Variants in FAM178B observed in about 807,000 individuals in gnomAD.
FAM178B encodes family with sequence similarity 178 member B.
Under a neutral mutation model 91.7 loss-of-function variants are expected in FAM178B, and 82 were observed. The observed-to-expected ratio is 0.89, with a 90% CI of 0.75 to 1.07. The LOEUF is 1.07. FAM178B is among the 50% of genes least tolerant of loss of function. The pLI, the probability that FAM178B is intolerant of heterozygous loss-of-function variation, is 0.00. For synonymous variants in FAM178B, 368 were observed against 359.4 expected (o/e 1.02, Z -0.27); for missense variants, 769 against 846.7 (o/e 0.91, Z 1.14).
intron 8 of FAM178B, among the ~76,000 whole-genome samples, chr2:96,945,280 C>A (rs2081804980): frequency 6.6e-6 from 1 of 151,774 alleles, no homozygotes; most frequent in Non-Finnish European, 1.5e-5. Flanking sequence ...CCACCCCCCA[C>A]ACACACACTA....
chr2:96,908,010 G>A (rs369093662), intron 12 of FAM178B, among the ~76,000 whole-genome samples: 47 of 152,352 alleles, frequency 3.1e-4, no homozygotes, highest in African/African-American at 1.1e-3. Context: ...CGCCTGGCTC[G>A]CACCCCGGGC....
At chr2:96,919,086 C>T (rs2081289724) in intron 12 of FAM178B, among the ~76,000 whole-genome samples, 1 of 152,212 alleles carries the variant, frequency 6.6e-6, no homozygotes, top group Non-Finnish European at 1.5e-5. Context: ...GAATAAAGCC[C>T]TTTCCTTCCA....
intron 13 of FAM178B, among the ~76,000 whole-genome samples, chr2:96,902,250 C>G (rs1280621411): frequency 6.6e-6 from 1 of 152,012 alleles, no homozygotes; most frequent in African/African-American, 2.4e-5. Context: ...GGACTACAGG[C>G]ACCCGCCACC....
chr2:96,877,711 T>C, intron 16 of FAM178B, 179 bp downstream of exon 16: 2 of 627,496 alleles, frequency 3.2e-6, no homozygotes, highest in Non-Finnish European at 5.5e-6. Flanking sequence ...ACTGGATTCT[T>C]GATAAGAATG....
At chr2:96,902,588 C>T (rs886449390) in intron 13 of FAM178B, 32 bp downstream of exon 13, 20 of 1,484,272 alleles carry the variant, frequency 1.3e-5, no homozygotes, top group Non-Finnish European at 1.7e-5. Context: ...CAGGCCATGG[C>T]CTTCCTGCCC....
chr2:96,923,332 AAC>A (rs1186657485), intron 10 of FAM178B, among the ~76,000 whole-genome samples, 156 bp downstream of exon 10: 10 of 152,222 alleles, frequency 6.6e-5, no homozygotes, highest in Admixed American at 3.9e-4. Flanking sequence ...CGTGTCCGAT[AAC>A]ACAGTTTCTG....
intron 14 of FAM178B, among the ~76,000 whole-genome samples, chr2:96,889,024 G>A (rs1166482533): frequency 1.3e-5 from 2 of 152,188 alleles, no homozygotes; most frequent in East Asian, 1.9e-4. Flanking sequence ...AGCCACTCGC[G>A]CTCAGTCGGG....
At chr2:96,958,408 C>A (rs1338907289) in intron 6 of FAM178B, among the ~76,000 whole-genome samples, 2 of 151,928 alleles carry the variant, frequency 1.3e-5, no homozygotes, top group African/African-American at 4.8e-5. Flanking sequence ...AAATTGAAGG[C>A]CAGGCGCAGT....
chr2:96,938,160 C>T (rs1382616918), intron 8 of FAM178B, among the ~76,000 whole-genome samples: 1 of 152,164 alleles, frequency 6.6e-6, no homozygotes, highest in Admixed American at 6.5e-5. Flanking sequence ...GCCTGGCCAC[C>T]TCTCCTGCAA....
chr2:96,963,718 G>A (rs1010178075), intron 5 of FAM178B, among the ~76,000 whole-genome samples: 1 of 152,184 alleles, frequency 6.6e-6, no homozygotes, highest in East Asian at 1.9e-4. Flanking sequence ...CTGCAACAAG[G>A]GCTCACTGCA....
chr2:96,978,974 CTTT>C (rs559416706), intron 1 of FAM178B, among the ~76,000 whole-genome samples: 18 of 56,798 alleles, frequency 3.2e-4, no homozygotes, highest in African/African-American at 5.1e-4. Flanking sequence ...GTATGTATCA[CTTT>C]TTTTTTTTTT....
chr2:96,952,497 C>T (rs1398494316), intron 6 of FAM178B, among the ~76,000 whole-genome samples: 2 of 152,148 alleles, frequency 1.3e-5, no homozygotes, highest in Admixed American at 6.5e-5. Context: ...TCAAAATCGG[C>T]GCTGGTGTGG....
intron 8 of FAM178B, among the ~76,000 whole-genome samples, chr2:96,944,630 C>A (rs149579141): frequency 2.0e-5 from 3 of 152,292 alleles, no homozygotes; most frequent in Admixed American, 6.5e-5. Context: ...ATCTACTGAA[C>A]GTGTCACAGA....
At position 96,921,085 on chromosome 2, in the gene FAM178B, ATGG is replaced by A. The variant is rs996702946; in HGVS notation, c.1562+77_1562+79del. On this transcript the variant is annotated intron_variant, in intron 12 of 16. Coordinates refer to ENST00000490605, the MANE Select transcript of FAM178B (RefSeq NM_001122646.3). The stretch of plus-strand genomic sequence containing the variant: ...GGGCAGGGGAGGTTTGTTGGGGCTG[ATGG>A]GGAGGACTCTGGATCCCTACAAGAC... The A allele has an allele frequency of 4.6e-5, 55 of 1,202,558 alleles. No individual in the cohort carries two copies. In the African/African-American group the frequency reaches 7.0e-4, roughly 15 times the overall value. 74.5% of individuals were successfully genotyped at this position (1,202,558 alleles called of 1,614,324 possible). A position where few individuals can be genotyped will look rare whatever the true frequency, so the allele number is the denominator to read the frequency against.
intron 8 of FAM178B, 67 bp from the exon 9 acceptor site, chr2:96,929,387 G>T (rs776554389): frequency 1.8e-4 from 209 of 1,156,040 alleles, no homozygotes; most frequent in Admixed American, 6.2e-5. Flanking sequence ...CACTCCCACT[G>T]AAGGGGCTGG....
At chr2:96,939,161 CCA>C (rs570247874) in intron 8 of FAM178B, 89 of 152,046 alleles carry the variant, frequency 5.9e-4, no homozygotes, top group African/African-American at 2.1e-3. Context: ...CAAGATCATG[CCA>C]CTGCGCTCCA....
At chr2:96,986,130 G>A (rs2082420125) in intron 1 of FAM178B, 111 bp downstream of exon 1, 2 of 1,486,906 alleles carry the variant, frequency 1.3e-6, no homozygotes. Context: ...CCCGGCGGCC[G>A]CACCGGGGCT....
chr2:96,939,451 G>A (rs749843351), intron 8 of FAM178B, among the ~76,000 whole-genome samples: 6 of 151,944 alleles, frequency 3.9e-5, no homozygotes, highest in Non-Finnish European at 7.4e-5. Context: ...AGCCGAGATC[G>A]CGCCACTGCA....
intron 9 of FAM178B, among the ~76,000 whole-genome samples, chr2:96,928,000 G>A (rs529437575): frequency 7.0e-4 from 106 of 152,386 alleles, no homozygotes; most frequent in Middle Eastern, 3.4e-3. Flanking sequence ...CGAGCTCCGG[G>A]AGGGAAAGGG....
Sources: gnomAD v4.1 joint callset for allele counts (sites outside exome capture counted in the v4.1 genomes callset) on GRCh38, gnomAD v4.1.1 for gene constraint, MANE v1.5 for transcripts, NCBI Gene and HGNC (gene_info 2026-07-23, HGNC 2026-07-21) for gene names.